Variants in DMD observed in about 807,000 individuals in gnomAD.
The protein encoded by DMD is mutant dystrophin.
DMD carries 63 observed loss-of-function variants against 330.1 expected under a neutral mutation model. The observed-to-expected ratio is 0.19, with a 90% CI of 0.16 to 0.24. The LOEUF (loss-of-function observed/expected upper bound fraction) is 0.24. DMD is among the 10% of genes least tolerant of loss of function. The pLI is 1.00. For synonymous variants in DMD, 1,223 were observed against 959.8 expected (o/e 1.27, Z -5.07); for missense variants, 3,344 against 2,684.1 (o/e 1.25, Z -5.43).
intron 60 of DMD, among the ~76,000 whole-genome samples, chrX:31,416,723 C>T: frequency 8.9e-6 from 1 of 112,150 alleles, no homozygotes. Flanking sequence ...AGCCATTCCT[C>T]ATCCACCTCA....
chrX:32,858,404 A>T (rs1292369397), intron 2 of DMD, among the ~76,000 whole-genome samples: 1 of 112,153 alleles, frequency 8.9e-6, no homozygotes. Flanking sequence ...ATCTTGGCTC[A>T]CTGCAACCTC....
chrX:32,636,996 A>C (rs1483722368), intron 11 of DMD, among the ~76,000 whole-genome samples: 1 of 105,770 alleles, frequency 9.5e-6, no homozygotes, highest in African/African-American at 3.5e-5. Context: ...ACTCTGTCTC[A>C]AAAAAAAAAG....
At chrX:32,685,988 A>G (rs758870223) in intron 9 of DMD, among the ~76,000 whole-genome samples, 2 of 111,420 alleles carry the variant, frequency 1.8e-5, no homozygotes, top group Non-Finnish European at 3.8e-5. Flanking sequence ...CTTTACATTG[A>G]CATGCTTAAG....
chrX:31,911,426 C>A (rs766118877), intron 47 of DMD, among the ~76,000 whole-genome samples: 1 of 111,109 alleles, frequency 9.0e-6, no homozygotes, highest in African/African-American at 3.3e-5. Context: ...ATTCATGGAA[C>A]TTGCCATTTG....
intron 60 of DMD, among the ~76,000 whole-genome samples, chrX:31,396,872 C>G (rs1478587790): frequency 9.0e-6 from 1 of 111,642 alleles, no homozygotes; most frequent in African/African-American, 3.3e-5. Context: ...AATCAAGAAT[C>G]TGTGTTAGGC....
chrX:32,431,074 C>G (rs1016602477), intron 29 of DMD, among the ~76,000 whole-genome samples: 2 of 111,277 alleles, frequency 1.8e-5, no homozygotes, highest in South Asian at 7.4e-4. Context: ...TTGGATATAT[C>G]CCTAGAAGTG....
In DMD at chrX:32,394,916, C is replaced by CAAAACAAAAAAAAAAAAACAAAA. The variant is rs2098030291; in HGVS notation, c.4234-4736_4234-4735insTTTTGTTTTTTTTTTTTTGTTTT. Among the ~76,000 whole-genome samples, 12 of 39,025 alleles carry CAAAACAAAAAAAAAAAAACAAAA rather than the reference C, an allele frequency of 3.1e-4. 1 individual carries two copies. Among genetic ancestry groups the CAAAACAAAAAAAAAAAAACAAAA allele is most frequent in the Non-Finnish European group, 5.0e-4 (10 of 20,013 alleles). 33.9% of individuals were successfully genotyped at this position (39,025 alleles called of 115,157 possible). ...CAAAGAAGAGCAAAAAACAAAAAAA[C>CAAAACAAAAAAAAAAAAACAAAA]AAAAAAAAAAAAAAAAAGAAAAGAA... On this transcript the variant is annotated intron_variant, in intron 30 of 78. Transcript: ENST00000357033.
intron 21 of DMD, among the ~76,000 whole-genome samples, chrX:32,483,164 T>TATATATATATATACAC (rs1481445275): frequency 4.9e-5 from 3 of 61,626 alleles, no homozygotes; most frequent in Non-Finnish European, 1.0e-4. Context: ...TATATATATA[T>TATATATATATATACAC]ACACCATATT....
chrX:33,316,530 T>C (rs1166436432), intron 1 of DMD, among the ~76,000 whole-genome samples: 2 of 111,757 alleles, frequency 1.8e-5, no homozygotes, highest in Non-Finnish European at 3.8e-5. Context: ...CAAGTTTATT[T>C]CTCTGCCTAT....
At chrX:33,125,734 T>G (rs1190503859) in intron 1 of DMD, among the ~76,000 whole-genome samples, 1 of 111,754 alleles carries the variant, frequency 8.9e-6, no homozygotes, top group Non-Finnish European at 1.9e-5. Context: ...TTTCAAACTG[T>G]GGCTTTGGTA....
At chrX:32,628,923 G>A (rs745494328) in intron 11 of DMD, among the ~76,000 whole-genome samples, 6 of 111,951 alleles carry the variant, frequency 5.4e-5, no homozygotes, top group South Asian at 3.7e-4. Flanking sequence ...GACTTGTTTC[G>A]TGGCAGAACA....
chrX:31,358,990 T>G (rs2058801618), intron 60 of DMD, among the ~76,000 whole-genome samples: 1 of 112,224 alleles, frequency 8.9e-6, no homozygotes, highest in African/African-American at 3.2e-5. Context: ...CATAACAGGC[T>G]TCCAGTACCA....
intron 43 of DMD, among the ~76,000 whole-genome samples, chrX:32,274,066 CA>C (rs1464885749): frequency 1.8e-5 from 2 of 111,835 alleles, no homozygotes; most frequent in East Asian, 5.6e-4. Context: ...TGTGAAATGA[CA>C]AAACCAAGAA....
At chrX:32,908,859 T>C (rs754597020) in intron 2 of DMD, among the ~76,000 whole-genome samples, 6 of 111,452 alleles carry the variant, frequency 5.4e-5, no homozygotes, top group Admixed American at 1.9e-4. Context: ...CTATGCTGGT[T>C]AGATCACACC....
At chrX:32,085,490 T>C (rs1191126194) in intron 44 of DMD, among the ~76,000 whole-genome samples, 2 of 107,946 alleles carry the variant, frequency 1.9e-5, no homozygotes, top group African/African-American at 6.8e-5. Flanking sequence ...TCTATGTCCA[T>C]GTGTACATGT....
At chrX:32,954,281 G>A (rs1338823402) in intron 2 of DMD, among the ~76,000 whole-genome samples, 1 of 111,802 alleles carries the variant, frequency 8.9e-6, no homozygotes, top group South Asian at 3.7e-4. Context: ...TGGATTCAAG[G>A]ACCTCAGAGT....
At chrX:31,761,289 G>A (rs2089569858) in intron 51 of DMD, among the ~76,000 whole-genome samples, 1 of 110,871 alleles carries the variant, frequency 9.0e-6, no homozygotes, top group African/African-American at 3.3e-5. Flanking sequence ...ACCATAGAAG[G>A]AGGGCAATAT....
intron 53 of DMD, among the ~76,000 whole-genome samples, chrX:31,666,924 C>G (rs1009653792): frequency 4.5e-5 from 5 of 111,878 alleles, no homozygotes; most frequent in African/African-American, 1.6e-4. Context: ...GTTCATAAAA[C>G]TTGAAAAAAT....
chrX:31,664,908 C>T (rs2081343462), intron 53 of DMD, among the ~76,000 whole-genome samples: 1 of 110,975 alleles, frequency 9.0e-6, no homozygotes, highest in Non-Finnish European at 1.9e-5. Flanking sequence ...ACCTGCAAGA[C>T]AAAGTCCTAA....
Sources: allele counts gnomAD v4.1 joint callset (sites outside exome capture counted in the v4.1 genomes callset), GRCh38; gene constraint gnomAD v4.1.1; transcripts MANE v1.5; gene names NCBI Gene and HGNC (gene_info 2026-07-23, HGNC 2026-07-21).